Variants in MLLT10 observed in about 807,000 individuals in gnomAD.
The protein encoded by MLLT10 is protein AF-10.
A neutral mutation model predicts 129.1 loss-of-function variants in MLLT10; 30 were observed. The ratio of observed to expected loss-of-function variants is 0.23; its 90% CI spans 0.17 to 0.32. The LOEUF is 0.32. Ranked by LOEUF, MLLT10 falls within the 10% of genes least tolerant of loss-of-function variation. MLLT10 has a pLI of 1.00. For synonymous variants in MLLT10, 490 were observed against 446.4 expected (o/e 1.10, Z -1.23); for missense variants, 1,119 against 1,268.3 (o/e 0.88, Z 1.79).
intron 13 of MLLT10, among the ~76,000 whole-genome samples, chr10:21,713,366 T>G (rs2056279442): frequency 6.6e-6 from 1 of 152,232 alleles, no homozygotes; most frequent in Non-Finnish European, 1.5e-5. Flanking sequence ...TACTTCAGAC[T>G]TCCTCAGTGA....
intron 8 of MLLT10, among the ~76,000 whole-genome samples, chr10:21,650,365 A>C (rs1464005516): frequency 1.3e-5 from 2 of 152,112 alleles, no homozygotes; most frequent in Non-Finnish European, 2.9e-5. Flanking sequence ...AGAAAAGAAA[A>C]GAGTATTATT....
Position 21,742,091 on chromosome 10 carries a change from AT to A in MLLT10, c.*109del. ...ATGAAGAAACGCAACAAGAAACTCAATGCACAACAAAGGATTAATTGCTGCA... is the reference window on the plus strand; with the variant it reads ...ATGAAGAAACGCAACAAGAAACTCAAGCACAACAAAGGATTAATTGCTGCA... On this transcript the variant is annotated 3_prime_UTR_variant, in exon 23 of 23. Coordinates refer to ENST00000307729, the MANE Select transcript of MLLT10 (RefSeq NM_001195626.3). 1.1e-6 allele frequency: 1 copy of A among 947,564 alleles called. No homozygotes were observed. The allele number at this position is 947,564 out of a possible 1,614,324, so 58.7% of individuals were successfully genotyped here. A position where few individuals can be genotyped will look rare whatever the true frequency, so the allele number is the denominator to read the frequency against.
At chr10:21,656,346 G>A (rs1006690462) in intron 9 of MLLT10, among the ~76,000 whole-genome samples, 4 of 152,058 alleles carry the variant, frequency 2.6e-5, no homozygotes, top group Admixed American at 6.5e-5. Context: ...ACATATTTTG[G>A]AGGTACATGT....
rs753286495 is a variant in MLLT10, at chr10:21,535,349, C to T, written c.160+545C>T. 2.5e-4 allele frequency among the ~76,000 whole-genome samples: 38 copies of T among 152,240 alleles called. No individual in the cohort carries two copies. The East Asian group carries it at 3.9e-3, about 16-fold the overall frequency. On this transcript the variant is annotated intron_variant, in intron 2 of 22. Transcript: ENST00000307729. ...CTTTAGATGGGGAGGGATGCGGGGC[C>T]CGTTGCACCCCGAGCCAGAAGGCTC...
intron 13 of MLLT10, among the ~76,000 whole-genome samples, chr10:21,699,170 C>A (rs553929413): frequency 2.0e-5 from 3 of 152,108 alleles, no homozygotes; most frequent in African/African-American, 7.2e-5. Context: ...CCACCGTGCC[C>A]AGCATTTGTA....
At chr10:21,649,423 C>A (rs533706974) in intron 8 of MLLT10, among the ~76,000 whole-genome samples, 1 of 152,186 alleles carries the variant, frequency 6.6e-6, no homozygotes, top group Non-Finnish European at 1.5e-5. Flanking sequence ...ATGACCCAAT[C>A]GTGTATTCTA....
intron 14 of MLLT10, among the ~76,000 whole-genome samples, chr10:21,723,034 ATTAATTTTAG>A (rs2057242263): frequency 6.6e-6 from 1 of 152,228 alleles, no homozygotes; most frequent in Non-Finnish European, 1.5e-5. Context: ...CAACTACCAC[ATTAATTTTAG>A]CTAACCCGTT....
chr10:21,595,733 T>G (rs371282011), intron 5 of MLLT10, among the ~76,000 whole-genome samples: 5 of 152,184 alleles, frequency 3.3e-5, no homozygotes, highest in Non-Finnish European at 7.4e-5. Context: ...TGACCTCTTT[T>G]GCGCTTTCAA....
chr10:21,581,801 G>A (rs1206782683), intron 3 of MLLT10, among the ~76,000 whole-genome samples: 2 of 152,178 alleles, frequency 1.3e-5, no homozygotes, highest in African/African-American at 4.8e-5. Context: ...ATGTGGAACT[G>A]TGAGTCAATT....
intron 3 of MLLT10, among the ~76,000 whole-genome samples, chr10:21,565,667 A>G (rs1321245635): frequency 1.4e-5 from 2 of 145,162 alleles, no homozygotes; most frequent in East Asian, 2.0e-4. Context: ...TTGCAGTGGC[A>G]CAATCATGGT....
At chr10:21,728,557 G>GA (rs1420221603) in intron 16 of MLLT10, among the ~76,000 whole-genome samples, 2 of 152,136 alleles carry the variant, frequency 1.3e-5, no homozygotes, top group African/African-American at 4.8e-5. Context: ...TGGAACTTTG[G>GA]TGATAGCTAT....
At chr10:21,722,146 A>G (rs1473589090) in intron 14 of MLLT10, among the ~76,000 whole-genome samples, 1 of 152,164 alleles carries the variant, frequency 6.6e-6, no homozygotes, top group East Asian at 1.9e-4. Flanking sequence ...AATTTTCGAT[A>G]TATAGAAAAG....
chr10:21,587,792 A>G (rs1303417388), intron 4 of MLLT10, among the ~76,000 whole-genome samples: 1 of 152,186 alleles, frequency 6.6e-6, no homozygotes, highest in Non-Finnish European at 1.5e-5. Context: ...AGACTATGTT[A>G]TACAGTCAGA....
Position 21,651,738 on chromosome 10 carries a change from G to T in MLLT10, c.765G>T (p.Leu255Phe), listed in dbSNP as rs1271449407. Reference sequence around the variant, plus strand: ...AGCAGCCAGAACCATCACCTGCATTGGTTCCATCCTTGACTGTTACTACAG... The same window carrying T: ...AGCAGCCAGAACCATCACCTGCATTTGTTCCATCCTTGACTGTTACTACAG... ...HKKQPEPSPA[L>F]VPSLTVTTEK... Residue 255 changes from leucine (L) to phenylalanine (F), a missense_variant, in exon 9 of 23, where the codon TTG becomes TTT. Coordinates refer to ENST00000307729, the MANE Select transcript of MLLT10 (RefSeq NM_001195626.3). 6.2e-7 allele frequency: 1 copy of T among 1,612,874 alleles called. No individual in the cohort carries two copies. The highest frequency in any genetic ancestry group is 2.2e-5 in the East Asian group (1 of 44,844).
chr10:21,542,725 C>T (rs770432342), intron 3 of MLLT10, among the ~76,000 whole-genome samples: 2 of 151,090 alleles, frequency 1.3e-5, no homozygotes, highest in African/African-American at 2.4e-5. Context: ...CTTATCTCTA[C>T]AAAAAGAAAA....
chr10:21,564,772 C>T (rs866000374), intron 3 of MLLT10, among the ~76,000 whole-genome samples: 4 of 150,464 alleles, frequency 2.7e-5, no homozygotes, highest in Admixed American at 6.6e-5. Context: ...TGCAGTGAGC[C>T]GCGATCGCAC....
chr10:21,711,253 T>A (rs1043717262), intron 13 of MLLT10, among the ~76,000 whole-genome samples: 2 of 151,918 alleles, frequency 1.3e-5, no homozygotes, highest in Non-Finnish European at 2.9e-5. Flanking sequence ...TGAAACCCCA[T>A]CTCTAGTAAA....
rs535964784 is a variant in MLLT10, at chr10:21,578,549, A to T, written c.241-7745A>T. ...ACTGTTGTTTAACCGAGTCCTAAAGACTTACCTCCTATGTTTTTTTCTAAA... is the reference window on the plus strand; with the variant it reads ...ACTGTTGTTTAACCGAGTCCTAAAGTCTTACCTCCTATGTTTTTTTCTAAA... On this transcript the variant is annotated intron_variant, in intron 3 of 22. Coordinates refer to ENST00000307729, the MANE Select transcript of MLLT10 (RefSeq NM_001195626.3). Among the ~76,000 whole-genome samples, 101 of 152,184 alleles carry T rather than the reference A, an allele frequency of 6.6e-4. 1 individual carries two copies. The highest frequency in any genetic ancestry group is 2.4e-3 in the African/African-American group (99 of 41,542).
chr10:21,699,118 A>G (rs1302035115), intron 13 of MLLT10, among the ~76,000 whole-genome samples: 1 of 151,496 alleles, frequency 6.6e-6, no homozygotes, highest in East Asian at 1.9e-4. Context: ...CAGGTGATCC[A>G]CCCGCCTCGG....
Sources: allele counts gnomAD v4.1 joint callset (sites outside exome capture counted in the v4.1 genomes callset), GRCh38; gene constraint gnomAD v4.1.1; transcripts MANE v1.5; gene names NCBI Gene and HGNC (gene_info 2026-07-23, HGNC 2026-07-21).